Variants in ETFDH observed in about 807,000 individuals in gnomAD.
ETFDH encodes the protein electron transfer flavoprotein-ubiquinone oxidoreductase, mitochondrial.
In ETFDH, 61 loss-of-function variants were observed where a neutral mutation model predicts 73.2. The ratio of observed to expected loss-of-function variants is 0.83; its 90% CI spans 0.68 to 1.03. The LOEUF (loss-of-function observed/expected upper bound fraction) is 1.03. Ranked by LOEUF, ETFDH falls within the 50% of genes least tolerant of loss-of-function variation. The pLI is 0.00. For missense variants in ETFDH, 685 were observed against 745.0 expected (o/e 0.92, Z 0.94); for synonymous variants, 243 against 253.3 (o/e 0.96, Z 0.39).
At chr4:158,701,628 T>C (rs1198935310) in intron 9 of ETFDH, among the ~76,000 whole-genome samples, 1 of 152,194 alleles carries the variant, frequency 6.6e-6, no homozygotes, top group East Asian at 1.9e-4. Context: ...TCTTTTGCAG[T>C]TGGTGTCAAT....
intron 5 of ETFDH, among the ~76,000 whole-genome samples, chr4:158,686,670 G>A (rs549048131): frequency 6.6e-6 from 1 of 152,316 alleles, no homozygotes; most frequent in Admixed American, 6.5e-5. Flanking sequence ...AGGATTTCAG[G>A]TTTCTATGAC....
chr4:158,681,059 T>A (rs559931369), intron 2 of ETFDH, among the ~76,000 whole-genome samples: 38 of 152,224 alleles, frequency 2.5e-4, no homozygotes, highest in African/African-American at 7.2e-4. Flanking sequence ...TTAATTTTTT[T>A]AAAAAGTTAA....
chr4:158,692,119 C>T (rs747135874), intron 6 of ETFDH, among the ~76,000 whole-genome samples: 3 of 152,138 alleles, frequency 2.0e-5, no homozygotes, highest in African/African-American at 4.8e-5. Flanking sequence ...AGCGGCCCGT[C>T]GCAGTGGCTC....
chr4:158,698,857 C>T (rs1469127733), intron 8 of ETFDH, 130 bp from the exon 9 acceptor site: 1 of 663,632 alleles, frequency 1.5e-6, no homozygotes, highest in Non-Finnish European at 2.7e-6. Flanking sequence ...GATTACTGCA[C>T]ATAGTGCTCC....
chr4:158,675,569 T>C (rs7668744), intron 1 of ETFDH, among the ~76,000 whole-genome samples: 151,500 of 152,234 alleles, frequency 1, 75,389 homozygotes, highest in Middle Eastern at 1. Context: ...GATTTCGAGA[T>C]CAGCTTACAC....
intron 8 of ETFDH, 71 bp from the exon 9 acceptor site, chr4:158,698,916 A>T (rs973011560): frequency 1.8e-6 from 2 of 1,118,120 alleles, no homozygotes; most frequent in African/African-American, 3.1e-5. Context: ...TCTGATAAAC[A>T]TTGCTTACAT....
intron 5 of ETFDH, 85 bp downstream of exon 5, chr4:158,685,304 A>C (rs1773977026): frequency 5.1e-6 from 4 of 784,342 alleles, no homozygotes; most frequent in Non-Finnish European, 6.7e-6. Flanking sequence ...TGAAGAAATA[A>C]ATATTTTTTA....
intron 6 of ETFDH, among the ~76,000 whole-genome samples, chr4:158,694,230 A>G (rs2095822088): frequency 6.6e-6 from 1 of 152,196 alleles, no homozygotes; most frequent in African/African-American, 2.4e-5. Context: ...CATTGTAGGT[A>G]TTCATTCACT....
chr4:158,698,462 T>C (rs1774368851), intron 8 of ETFDH, among the ~76,000 whole-genome samples: 1 of 152,208 alleles, frequency 6.6e-6, no homozygotes, highest in Non-Finnish European at 1.5e-5. Context: ...TAACCTTCTA[T>C]ATTTCTTTTC....
chr4:158,684,410 T>A (rs1490059155), intron 3 of ETFDH, among the ~76,000 whole-genome samples, 182 bp from the exon 4 acceptor site: 2 of 151,380 alleles, frequency 1.3e-5, no homozygotes, highest in Non-Finnish European at 1.5e-5. Context: ...AAAAAAAAGA[T>A]TTCTGTACAT....
chr4:158,691,315 C>CGTGT (rs779806708), intron 6 of ETFDH, among the ~76,000 whole-genome samples: 4,293 of 152,006 alleles, frequency 0.028, 69 homozygotes, highest in African/African-American at 0.035. Context: ...TATACTTTGA[C>CGTGT]ATGTTTGTTT....
chr4:158,696,652 A>G lies in ETFDH; in HGVS notation c.832-907A>G, dbSNP rs537164688. On this transcript the variant is annotated intron_variant, in intron 7 of 12. Transcript: ENST00000511912. ...GATTGCATATGTCTGATTGCACATAATATTATCTGACTTAGATAAAATTTC... is the reference window on the plus strand; with the variant it reads ...GATTGCATATGTCTGATTGCACATAGTATTATCTGACTTAGATAAAATTTC... Among the ~76,000 whole-genome samples, 6 of 152,342 alleles carry G rather than the reference A, an allele frequency of 3.9e-5. No individual in the cohort carries two copies. The South Asian group carries it at 1.2e-3, about 32-fold the overall frequency.
rs549454407 is a variant in ETFDH, at chr4:158,698,987, G to A, written c.973G>A (p.Val325Ile). ...TTAAATATAAGTGTAAATTTTTAAG[G>A]TTGGTCTAGACTATCAGAATCCATA... ...GEPLVALGLV[V>I]GLDYQNPYLS... The change falls in exon 9 of 13, where the codon GTT becomes ATT. Residue 325 changes from valine to isoleucine, a missense_variant and splice_region_variant. This residue lies in a region of ETFDH where 405 missense variants were observed against 399.3 expected (regional missense o/e 1.01). Coordinates refer to ENST00000511912, the MANE Select transcript of ETFDH (RefSeq NM_004453.4). 3 of 1,589,094 alleles carry A rather than the reference G, an allele frequency of 1.9e-6. No individual in the cohort carries two copies. The highest frequency in any genetic ancestry group is 1.7e-6 in the Non-Finnish European group (2 of 1,158,648).
intron 10 of ETFDH, among the ~76,000 whole-genome samples, chr4:158,704,347 C>G (rs1010628133): frequency 6.6e-6 from 1 of 152,142 alleles, no homozygotes; most frequent in Admixed American, 6.5e-5. Context: ...GCACTTATAC[C>G]TCCGTAAAGC....
At position 158,706,785 on chromosome 4, in the gene ETFDH, A is replaced by G; in HGVS notation, c.1625A>G (p.Asp542Gly). ...CCGGCACACTTAACCTTAAGGGATG[A>G]CAGTATACCTGTAAATAGAAATCTG... The part of the protein sequence containing the change: ...DQPAHLTLRD[D>G]SIPVNRNLSI... The change falls in exon 12 of 13, where the codon GAC becomes GGC. Residue 542 changes from aspartate to glycine, a missense_variant. By Grantham distance (94) the Asp-to-Gly change is moderately conservative (BLOSUM62 -1). Around this residue, in one of 3 missense-constraint regions of ETFDH, gnomAD observed 201 missense variants for 225.2 expected, o/e 0.89. Transcript: ENST00000511912. 1 of 1,614,004 alleles carries G rather than the reference A, an allele frequency of 6.2e-7. No individual in the cohort carries two copies.
At chr4:158,688,613 C>T (rs1774074513) in intron 5 of ETFDH, among the ~76,000 whole-genome samples, 2 of 151,962 alleles carry the variant, frequency 1.3e-5, no homozygotes, top group South Asian at 4.2e-4. Context: ...GCAGAGCTTG[C>T]AGTAAGTCGA....
chr4:158,697,315 G>T (rs944766643), intron 7 of ETFDH, among the ~76,000 whole-genome samples: 1 of 151,986 alleles, frequency 6.6e-6, no homozygotes. Context: ...GGATGGTCTC[G>T]AACTCCTGAC....
At position 158,706,195 on chromosome 4, in the gene ETFDH, A is replaced by C. The variant is rs773978964; in HGVS notation, c.1292A>C (p.His431Pro). The C allele has an allele frequency of 5.0e-6, 8 of 1,606,522 alleles. No individual in the cohort carries two copies. Among genetic ancestry groups the C allele is most frequent in the Non-Finnish European group, 6.0e-6 (7 of 1,172,978 alleles). ...ENLQSKTIGL[H>P]VTEYEDNLKN... ...TTCATGTTTTTAATAAAAGGACTCC[A>C]TGTAACTGAATATGAGGACAATTTG... Residue 431 changes from histidine (H) to proline (P), a missense_variant, in exon 11 of 13, where the codon CAT becomes CCT. By Grantham distance (77) the His-to-Pro change is moderately conservative. This residue lies in a region of ETFDH where 79 missense variants were observed against 120.5 expected (regional missense o/e 0.66). Transcript: ENST00000511912.
chr4:158,690,294 C>A, intron 5 of ETFDH, 54 bp from the exon 6 acceptor site: 1 of 986,260 alleles, frequency 1.0e-6, no homozygotes, highest in South Asian at 1.3e-5. Context: ...CTGTTTTTTT[C>A]AAGATTATTA....
Sources: gnomAD v4.1 joint callset for allele counts (sites outside exome capture counted in the v4.1 genomes callset) on GRCh38, gnomAD v4.1.1 for gene constraint, gnomAD v4.1.1 regional missense constraint, MANE v1.5 for transcripts, NCBI Gene and HGNC (gene_info 2026-07-23, HGNC 2026-07-21) for gene names.